The following MAD1L1 variants were observed in gnomAD, a reference collection of about 807,000 sequenced individuals.
The protein encoded by MAD1L1 is mitotic arrest deficient 1 like 1.
A neutral mutation model predicts 96.9 loss-of-function variants in MAD1L1; 95 were observed. That is an observed-to-expected ratio of 0.98 (90% CI 0.83 to 1.16). The LOEUF is 1.16. Among genes scored for constraint, MAD1L1 ranks in the 50% most tolerant of loss-of-function variants. MAD1L1 has a pLI of 0.00. For missense variants in MAD1L1, 1,007 were observed against 954.4 expected (o/e 1.06, Z -0.73); for synonymous variants, 473 against 396.6 (o/e 1.19, Z -2.29).
intron 15 of MAD1L1, among the ~76,000 whole-genome samples, chr7:1,978,384 C>T (rs897944660): frequency 1.3e-5 from 2 of 152,226 alleles, no homozygotes; most frequent in Non-Finnish European, 2.9e-5. Flanking sequence ...CTCATCTCTG[C>T]AAAGGAAAAG....
At chr7:1,938,872 G>A (rs551017625) in intron 16 of MAD1L1, among the ~76,000 whole-genome samples, 2,376 of 42,882 alleles carry the variant, frequency 0.055, 116 homozygotes, top group Admixed American at 0.16. Flanking sequence ...ACACACACAC[G>A]GACACAGTCC....
intron 11 of MAD1L1, among the ~76,000 whole-genome samples, chr7:2,117,778 G>A (rs1787785239): frequency 1.3e-5 from 2 of 152,194 alleles, no homozygotes; most frequent in South Asian, 4.1e-4. Context: ...AGCACTGTGA[G>A]AGTGAACTAA....
rs1786026339 is a variant in MAD1L1, at chr7:2,088,221, TTCACGCCTCC to T, written c.1074-18893_1074-18884del. The stretch of plus-strand genomic sequence containing the variant: ...GACCTTGGATCACACATCGCGCCTC[TTCACGCCTCC>T]TCACACCCCTGCCTGAAACCTGCCG... On this transcript the variant is annotated intron_variant, in intron 11 of 18. Coordinates refer to ENST00000265854, the MANE Select transcript of MAD1L1 (RefSeq NM_001013836.2). The surrounding 1 kb of genome is among the most constrained non-coding windows in gnomAD (Gnocchi z 4.4). Among the ~76,000 whole-genome samples, 1 of 152,178 alleles carries T rather than the reference TTCACGCCTCC, an allele frequency of 6.6e-6. No individual in the cohort carries two copies. Among genetic ancestry groups the T allele is most frequent in the Non-Finnish European group, 1.5e-5 (1 of 68,040 alleles).
intron 18 of MAD1L1, among the ~76,000 whole-genome samples, chr7:1,858,134 C>T (rs1358492001): frequency 6.6e-6 from 1 of 152,200 alleles, no homozygotes; most frequent in Non-Finnish European, 1.5e-5. Context: ...ATTTCTTAGG[C>T]TTGCTTTTCC....
At chr7:2,098,503 G>A (rs550410812) in intron 11 of MAD1L1, among the ~76,000 whole-genome samples, 11 of 152,264 alleles carry the variant, frequency 7.2e-5, no homozygotes, top group Non-Finnish European at 1.3e-4. Context: ...CAACCATGCC[G>A]TACGCAGCAG....
chr7:1,865,799 G>GCTCT (rs201048267), intron 18 of MAD1L1, among the ~76,000 whole-genome samples: 1 of 152,222 alleles, frequency 6.6e-6, no homozygotes, highest in African/African-American at 2.4e-5. Flanking sequence ...TACAGCGACT[G>GCTCT]CTCTCTCTCT....
intron 12 of MAD1L1, among the ~76,000 whole-genome samples, chr7:2,030,017 C>G (rs1783150208): frequency 6.6e-6 from 1 of 152,202 alleles, no homozygotes; most frequent in South Asian, 2.1e-4. Flanking sequence ...CTGTCCCCTC[C>G]TACACAGTCC....
At chr7:1,845,717 C>G (rs1783582767) in intron 18 of MAD1L1, 1 of 152,194 alleles carries the variant, frequency 6.6e-6, no homozygotes, top group African/African-American at 2.4e-5. Flanking sequence ...AGGAGATGGA[C>G]ACGCTCCACG....
intron 11 of MAD1L1, among the ~76,000 whole-genome samples, chr7:2,083,713 C>T (rs1785769702): frequency 6.6e-6 from 1 of 152,268 alleles, no homozygotes; most frequent in African/African-American, 2.4e-5. Context: ...CACTGACCTG[C>T]AGCAGGCTGT....
At chr7:2,056,876 G>C (rs1784409061) in intron 12 of MAD1L1, among the ~76,000 whole-genome samples, 1 of 152,184 alleles carries the variant, frequency 6.6e-6, no homozygotes, top group African/African-American at 2.4e-5. Flanking sequence ...CATTGCCACG[G>C]GGAAGCCGGG....
At chr7:2,168,289 G>T (rs1289793580) in intron 10 of MAD1L1, among the ~76,000 whole-genome samples, 1 of 130,348 alleles carries the variant, frequency 7.7e-6, no homozygotes, top group Non-Finnish European at 1.6e-5. Flanking sequence ...TCTAAAAAAA[G>T]AAAAAAAAAG....
intron 10 of MAD1L1, among the ~76,000 whole-genome samples, chr7:2,204,915 C>A (rs1430496643): frequency 6.6e-6 from 1 of 152,162 alleles, no homozygotes; most frequent in Non-Finnish European, 1.5e-5. Context: ...CCTGGCTGCT[C>A]TGCATCTCTG....
intron 14 of MAD1L1, among the ~76,000 whole-genome samples, chr7:1,983,142 GCGCGCGCGCGCGCACACACACACA>G (rs1780993226): frequency 1.0e-5 from 1 of 96,692 alleles, no homozygotes; most frequent in African/African-American, 4.4e-5. Flanking sequence ...ACGCGCGCGC[GCGCGCGCGCGCGCACACACACACA>G]CACACACACA....
intron 15 of MAD1L1, 32 bp from the exon 16 acceptor site, chr7:1,957,751 C>T (rs976859107): frequency 6.2e-7 from 1 of 1,607,614 alleles, no homozygotes; most frequent in Non-Finnish European, 8.5e-7. Context: ...GACCAGGTGT[C>T]CGAGGCCAGC....
At chr7:2,053,918 T>A (rs1464283287) in intron 12 of MAD1L1, among the ~76,000 whole-genome samples, 1 of 152,192 alleles carries the variant, frequency 6.6e-6, no homozygotes, top group Non-Finnish European at 1.5e-5. Flanking sequence ...GAGACAGCCT[T>A]ATCTCAGCAG....
chr7:2,036,864 G>A (rs1783458542), intron 12 of MAD1L1, among the ~76,000 whole-genome samples: 1 of 152,092 alleles, frequency 6.6e-6, no homozygotes, highest in African/African-American at 2.4e-5. Context: ...CCAACCAGGT[G>A]GGAGGTGGTC....
At chr7:1,940,650 T>C (rs1465361537) in intron 16 of MAD1L1, 1 of 152,336 alleles carries the variant, frequency 6.6e-6, no homozygotes, top group East Asian at 1.9e-4. Flanking sequence ...CCTAACCACG[T>C]AGCGCTGCAA....
chr7:2,059,209 A>G (rs1400352305), intron 12 of MAD1L1, among the ~76,000 whole-genome samples: 1 of 58,878 alleles, frequency 1.7e-5, no homozygotes, highest in Admixed American at 1.8e-4. Flanking sequence ...GGAGAGAAGC[A>G]GGGCTGGAGA....
intron 15 of MAD1L1, among the ~76,000 whole-genome samples, chr7:1,965,387 A>G (rs1045096298): frequency 6.6e-6 from 1 of 152,180 alleles, no homozygotes; most frequent in Non-Finnish European, 1.5e-5. Flanking sequence ...ACAGGGCTAC[A>G]ATGCCTGGAC....
Sources: allele counts gnomAD v4.1 joint callset (sites outside exome capture counted in the v4.1 genomes callset), GRCh38; gene constraint gnomAD v4.1.1; non-coding constraint Gnocchi (gnomAD v3.1); transcripts MANE v1.5; gene names NCBI Gene and HGNC (gene_info 2026-07-23, HGNC 2026-07-21).